The following TRAPPC9 variants were observed in gnomAD, a reference collection of about 807,000 sequenced individuals.
TRAPPC9 encodes the protein IKK2 binding protein.
A neutral mutation model predicts 124.0 loss-of-function variants in TRAPPC9; 83 were observed. That is an observed-to-expected ratio of 0.67 (90% CI 0.56 to 0.80). The LOEUF is 0.80. TRAPPC9 is among the 30% of genes least tolerant of loss of function. TRAPPC9 has a pLI of 0.00. For missense variants in TRAPPC9, 1,302 were observed against 1,508.3 expected (o/e 0.86, Z 2.27); for synonymous variants, 638 against 617.5 (o/e 1.03, Z -0.49).
At position 140,435,134 on chromosome 8, in the gene TRAPPC9, T is replaced by C; in HGVS notation, c.837A>G (p.Glu279=). 1 of 1,614,078 alleles carries C rather than the reference T, an allele frequency of 6.2e-7. No homozygotes were observed. The highest frequency in any genetic ancestry group is 8.5e-7 in the Non-Finnish European group (1 of 1,180,020). Residue 279 remains glutamate, a synonymous_variant, in exon 4 of 23, where the codon GAA becomes GAG. Coordinates refer to ENST00000438773, the MANE Select transcript of TRAPPC9 (RefSeq NM_001160372.4). The part of the protein sequence containing the change: ...RRFQGSTLPA[E]AANRHRPGAQ... ...CACCTGGCCGGTGTCTATTGGCTGC[T>C]TCAGCAGGAAGGGTGCTGCCCTGGA...
chr8:140,332,590 T>A (rs1441931894), intron 9 of TRAPPC9, among the ~76,000 whole-genome samples: 3 of 152,098 alleles, frequency 2.0e-5, no homozygotes, highest in Non-Finnish European at 4.4e-5. Flanking sequence ...CATAAACATA[T>A]ACAATTACTG....
At chr8:140,391,908 C>A (rs562408962) in intron 7 of TRAPPC9, among the ~76,000 whole-genome samples, 9 of 151,998 alleles carry the variant, frequency 5.9e-5, no homozygotes, top group Non-Finnish European at 1.2e-4. Context: ...CACCTGTAAT[C>A]CCAGCTACTC....
At chr8:139,775,236 G>A (rs931627477) in intron 21 of TRAPPC9, among the ~76,000 whole-genome samples, 2 of 152,186 alleles carry the variant, frequency 1.3e-5, no homozygotes, top group African/African-American at 4.8e-5. Context: ...CCGCCTGCCA[G>A]TCCGGAAGCT....
At chr8:140,389,019 G>A (rs1257634317) in intron 7 of TRAPPC9, among the ~76,000 whole-genome samples, 8 of 142,720 alleles carry the variant, frequency 5.6e-5, no homozygotes, top group South Asian at 2.4e-4. Flanking sequence ...GTGCAATGGC[G>A]CGATCTCAGC....
chr8:139,836,570 G>A (rs770223655), intron 21 of TRAPPC9, among the ~76,000 whole-genome samples: 12 of 152,194 alleles, frequency 7.9e-5, no homozygotes, highest in Non-Finnish European at 1.5e-4. Context: ...AGATGCTGCC[G>A]CCACACGGGG....
intron 13 of TRAPPC9, among the ~76,000 whole-genome samples, 179 bp from the exon 14 acceptor site, chr8:140,284,200 C>T (rs1016449989): frequency 5.9e-5 from 9 of 152,194 alleles, no homozygotes; most frequent in African/African-American, 2.2e-4. Flanking sequence ...TCACTGTCCT[C>T]GTACGTGATG....
upstream of TRAPPC9, chr8:140,458,214 G>A (rs1405604501): frequency 6.1e-5 from 94 of 1,550,392 alleles, 1 homozygote; most frequent in Admixed American, 1.8e-3. Flanking sequence ...ACAGAGACTA[G>A]GAGGAAAGCT....
intron 21 of TRAPPC9, among the ~76,000 whole-genome samples, chr8:139,797,434 C>A (rs1030097348): frequency 6.6e-6 from 1 of 152,042 alleles, no homozygotes; most frequent in Non-Finnish European, 1.5e-5. Flanking sequence ...GAATTTTTGA[C>A]TTTTTAGTAG....
intron 21 of TRAPPC9, among the ~76,000 whole-genome samples, chr8:139,743,753 G>A (rs1005818077): frequency 1.3e-5 from 2 of 152,184 alleles, no homozygotes; most frequent in South Asian, 2.1e-4. Flanking sequence ...GGGGTGGGGG[G>A]CAGGCAGGCA....
intron 10 of TRAPPC9, among the ~76,000 whole-genome samples, chr8:140,307,003 G>C (rs752384967): frequency 2.0e-5 from 3 of 152,042 alleles, no homozygotes; most frequent in Non-Finnish European, 4.4e-5. Flanking sequence ...GCTATTCGTA[G>C]GTTTTGCTTT....
At chr8:140,320,079 A>T (rs894800366) in intron 9 of TRAPPC9, among the ~76,000 whole-genome samples, 1 of 152,254 alleles carries the variant, frequency 6.6e-6, no homozygotes, top group African/African-American at 2.4e-5. Context: ...GAAAAAGAAA[A>T]CACGGAGGAA....
intron 18 of TRAPPC9, among the ~76,000 whole-genome samples, chr8:140,016,994 T>G (rs1158302529): frequency 1.3e-5 from 2 of 152,216 alleles, no homozygotes; most frequent in Non-Finnish European, 2.9e-5. Context: ...AGTGGGTATA[T>G]AGTAGTATCT....
chr8:139,841,789 C>A (rs929666439), intron 21 of TRAPPC9, among the ~76,000 whole-genome samples: 1 of 152,218 alleles, frequency 6.6e-6, no homozygotes, highest in Admixed American at 6.5e-5. Context: ...GACCCAGCCC[C>A]CTAAAGCACC....
chr8:140,020,137 C>T (rs1839745114), intron 18 of TRAPPC9, among the ~76,000 whole-genome samples: 1 of 151,958 alleles, frequency 6.6e-6, no homozygotes, highest in South Asian at 2.1e-4. Context: ...TTTTTTCTGA[C>T]CACCCTAGTT....
At chr8:139,811,621 G>A (rs550306809) in intron 21 of TRAPPC9, among the ~76,000 whole-genome samples, 1 of 152,324 alleles carries the variant, frequency 6.6e-6, no homozygotes, top group African/African-American at 2.4e-5. Flanking sequence ...TGGATGGCAG[G>A]GGACTTCTCA....
chr8:139,930,338 A>G (rs1833064070), intron 19 of TRAPPC9, among the ~76,000 whole-genome samples: 1 of 152,214 alleles, frequency 6.6e-6, no homozygotes, highest in Admixed American at 6.5e-5. Context: ...AGCCAAGGTG[A>G]GCAGTGGCAA....
chr8:140,427,379 T>TCACACA (rs60720377), intron 4 of TRAPPC9, among the ~76,000 whole-genome samples: 17 of 148,540 alleles, frequency 1.1e-4, no homozygotes, highest in African/African-American at 2.7e-4. Flanking sequence ...TATCTCTCTC[T>TCACACA]CACACACACA....
intron 17 of TRAPPC9, among the ~76,000 whole-genome samples, chr8:140,033,661 T>G (rs1003283540): frequency 1.6e-4 from 5 of 30,990 alleles, no homozygotes; most frequent in African/African-American, 1.5e-3. Context: ...TAATGTGGTT[T>G]TTTTTTTTTT....
intron 17 of TRAPPC9, among the ~76,000 whole-genome samples, chr8:140,197,352 GC>G (rs981055093): frequency 2.0e-5 from 3 of 152,300 alleles, no homozygotes; most frequent in African/African-American, 7.2e-5. Flanking sequence ...TTCACTTGGA[GC>G]CCCTTAAAAA....
Sources: allele counts gnomAD v4.1 joint callset (sites outside exome capture counted in the v4.1 genomes callset), GRCh38; gene constraint gnomAD v4.1.1; transcripts MANE v1.5; gene names NCBI Gene and HGNC (gene_info 2026-07-23, HGNC 2026-07-21).